XRCC5: variants seen among roughly 807,000 people sequenced by gnomAD.
XRCC5 encodes X-ray repair cross complementing 5, also known as DNA repair protein Ku80.
A neutral mutation model predicts 95.7 loss-of-function variants in XRCC5; 12 were observed. That is an observed-to-expected ratio of 0.13 (90% CI 0.08 to 0.20). XRCC5 has a LOEUF of 0.20. XRCC5 is among the 10% of genes least tolerant of loss of function. The probability of loss-of-function intolerance (pLI) is 1.00; values close to 1 mark genes in which losing one functional copy is unlikely to be tolerated. For missense variants in XRCC5, 595 were observed against 873.9 expected (o/e 0.68, Z 4.02); for synonymous variants, 281 against 290.3 (o/e 0.97, Z 0.33).
chr2:216,125,809 TTA>T (rs1224904151), intron 6 of XRCC5, 106 bp from the exon 7 acceptor site: 30 of 866,274 alleles, frequency 3.5e-5, no homozygotes, highest in Non-Finnish European at 4.1e-5. Context: ...GTTTCTCTCT[TTA>T]TAATTAACAT....
At chr2:216,173,877 A>T (rs946496026) in intron 16 of XRCC5, among the ~76,000 whole-genome samples, 1 of 152,202 alleles carries the variant, frequency 6.6e-6, no homozygotes, top group Non-Finnish European at 1.5e-5. Context: ...AGCCTCCAGA[A>T]CTGTGAGCTA....
At chr2:216,127,854 G>A in intron 8 of XRCC5, 180 bp downstream of exon 8, 1 of 550,000 alleles carries the variant, frequency 1.8e-6, no homozygotes, top group Non-Finnish European at 2.8e-6. Flanking sequence ...TCTTAGGCAG[G>A]TTGCTTCTCA....
Position 216,173,474 on chromosome 2 carries a change from A to G in XRCC5, c.1834+11426A>G, listed in dbSNP as rs538188033. Among the ~76,000 whole-genome samples the G allele has an allele frequency of 7.2e-5, 11 of 152,312 alleles. No homozygotes were observed. In the South Asian group the frequency reaches 1.9e-3, roughly 26 times the overall value. ...TGCATTTTCTGCCTCTATTGAGATG[A>G]CTGTGATTTTTATTCTTCTGCTAAT... On this transcript the variant is annotated intron_variant, in intron 16 of 20. Transcript: ENST00000392132.
chr2:216,156,991 G>A (rs911708146), intron 14 of XRCC5, among the ~76,000 whole-genome samples: 6 of 152,156 alleles, frequency 3.9e-5, no homozygotes, highest in Non-Finnish European at 7.3e-5. Flanking sequence ...GGTCGTGAAG[G>A]ATCCTGCCCA....
At chr2:216,133,815 G>A (rs1179969734) in intron 10 of XRCC5, among the ~76,000 whole-genome samples, 1 of 152,176 alleles carries the variant, frequency 6.6e-6, no homozygotes, top group Non-Finnish European at 1.5e-5. Flanking sequence ...ATAAGCAAGG[G>A]AGTAAGGAAA....
intron 17 of XRCC5, among the ~76,000 whole-genome samples, chr2:216,191,901 TTGAC>T (rs1162269790): frequency 4.6e-5 from 7 of 152,226 alleles, no homozygotes; most frequent in African/African-American, 1.4e-4. Flanking sequence ...ATGAAATAAT[TTGAC>T]TGAAATTTGC....
At chr2:216,204,478 T>TA (rs1689904794) in intron 20 of XRCC5, 82 bp downstream of exon 20, 2 of 1,458,506 alleles carry the variant, frequency 1.4e-6, no homozygotes, top group African/African-American at 2.8e-5. Flanking sequence ...CTGATTATCT[T>TA]ACACTTGTTG....
At chr2:216,157,233 T>C (rs1208512083) in intron 14 of XRCC5, among the ~76,000 whole-genome samples, 1 of 137,938 alleles carries the variant, frequency 7.2e-6, no homozygotes, top group East Asian at 1.9e-4. Context: ...TTTTTGTTTT[T>C]TTTTTGTTGT....
chr2:216,196,329 G>A (rs927508696), intron 19 of XRCC5, among the ~76,000 whole-genome samples: 38 of 152,036 alleles, frequency 2.5e-4, no homozygotes, highest in African/African-American at 8.7e-4. Flanking sequence ...CGTGGTGTCT[G>A]TACCCTCTCT....
intron 13 of XRCC5, among the ~76,000 whole-genome samples, chr2:216,146,680 C>T (rs968588022): frequency 6.6e-6 from 1 of 152,140 alleles, no homozygotes; most frequent in African/African-American, 2.4e-5. Flanking sequence ...ATTTCCTTTT[C>T]TGGGCAGGCC....
intron 17 of XRCC5, 69 bp downstream of exon 17, chr2:216,190,403 G>T: frequency 2.2e-6 from 3 of 1,370,880 alleles, no homozygotes; most frequent in Non-Finnish European, 3.1e-6. Context: ...GAGGCATACA[G>T]CATCCTGGAA....
At chr2:216,175,526 TAA>T in intron 16 of XRCC5, 1 of 444,146 alleles carries the variant, frequency 2.3e-6, no homozygotes, top group Non-Finnish European at 4.4e-6. Flanking sequence ...CATCAAAAGT[TAA>T]AAGTGCACAT....
chr2:216,191,875 A>T (rs1220823937), intron 17 of XRCC5, among the ~76,000 whole-genome samples: 1 of 152,250 alleles, frequency 6.6e-6, no homozygotes, highest in Non-Finnish European at 1.5e-5. Context: ...TATATTTCAT[A>T]CAAGAATATT....
At chr2:216,165,137 T>G (rs1254135133) in intron 16 of XRCC5, among the ~76,000 whole-genome samples, 2 of 152,244 alleles carry the variant, frequency 1.3e-5, no homozygotes, top group South Asian at 2.1e-4. Flanking sequence ...CATGTCTCTT[T>G]CAAATACTGG....
intron 14 of XRCC5, among the ~76,000 whole-genome samples, chr2:216,159,201 A>G (rs370251701): frequency 2.0e-5 from 3 of 152,212 alleles, no homozygotes; most frequent in Non-Finnish European, 2.9e-5. Context: ...GCCATTTCTG[A>G]TGGCTGCTTT....
chr2:216,191,572 A>C (rs1689613242), intron 17 of XRCC5, among the ~76,000 whole-genome samples: 1 of 151,910 alleles, frequency 6.6e-6, no homozygotes, highest in Non-Finnish European at 1.5e-5. Context: ...CACCACGCCC[A>C]GCTAATTTTT....
chr2:216,143,478 T>TTA (rs1475673771), intron 13 of XRCC5, among the ~76,000 whole-genome samples: 1 of 152,218 alleles, frequency 6.6e-6, no homozygotes, highest in Non-Finnish European at 1.5e-5. Context: ...TAATAAATGC[T>TTA]TATTGGAATA....
Position 216,145,890 on chromosome 2 carries a change from G to C in XRCC5, c.1477-2193G>C, listed in dbSNP as rs965166185. Among the ~76,000 whole-genome samples the C allele has an allele frequency of 3.9e-5, 6 of 152,294 alleles. No homozygotes were observed. The East Asian group carries it at 9.6e-4, about 24-fold the overall frequency. On this transcript the variant is annotated intron_variant, in intron 13 of 20. Coordinates refer to ENST00000392132, the MANE Select transcript of XRCC5 (RefSeq NM_021141.4). ...ATAGAATCTTCAGGAGTTTATGAGA[G>C]GTAGTCTGCTATGTTGGGTGTTTGA...
intron 12 of XRCC5, among the ~76,000 whole-genome samples, chr2:216,139,708 A>G (rs1448823687): frequency 6.6e-6 from 1 of 152,132 alleles, no homozygotes; most frequent in Non-Finnish European, 1.5e-5. Context: ...GAATCTCACT[A>G]TGTTGTTGTG....
Sources: gnomAD v4.1 joint callset for allele counts (sites outside exome capture counted in the v4.1 genomes callset) on GRCh38, gnomAD v4.1.1 for gene constraint, MANE v1.5 for transcripts, NCBI Gene and HGNC (gene_info 2026-07-23, HGNC 2026-07-21) for gene names.